LMO7: variants seen among roughly 807,000 people sequenced by gnomAD.
The protein encoded by LMO7 is LIM domain 7.
In LMO7, 120 loss-of-function variants were observed where a neutral mutation model predicts 206.5. The ratio of observed to expected loss-of-function variants is 0.58; its 90% confidence interval spans 0.50 to 0.68. The LOEUF (loss-of-function observed/expected upper bound fraction) is 0.68, where lower values mean the gene tolerates loss of function less well. Among genes scored for constraint, LMO7 ranks in the 30% least tolerant of loss-of-function variants. The pLI is 0.00. For synonymous variants in LMO7, 706 were observed against 681.5 expected (o/e 1.04, Z -0.56); for missense variants, 1,959 against 1,957.9 (o/e 1.00, Z -0.01).
intron 11 of LMO7, among the ~76,000 whole-genome samples, chr13:75,809,941 C>G (rs2056124659): frequency 6.6e-6 from 1 of 150,726 alleles, no homozygotes; most frequent in Non-Finnish European, 1.5e-5. Context: ...AAGCAATTCT[C>G]CTGTCTCAGC....
rs77003962 is a variant in LMO7, at chr13:75,765,002, C to T, written c.317+3964C>T. ...CTATTCTCTTTACACATGCTAGTTGCCAAAGGAACAGTAGTTGGAATGAAA... is the reference window on the plus strand; with the variant it reads ...CTATTCTCTTTACACATGCTAGTTGTCAAAGGAACAGTAGTTGGAATGAAA... On this transcript the variant is annotated intron_variant, in intron 4 of 30. Coordinates refer to ENST00000377534, the MANE Select transcript of LMO7 (RefSeq NM_001306080.2). Among the ~76,000 whole-genome samples the T allele has an allele frequency of 2.6e-3, 392 of 152,030 alleles. 6 individuals carry two copies. The East Asian group carries it at 0.027, about 11-fold the overall frequency.
At chr13:75,672,611 T>G (rs2039682917) in intron 1 of LMO7, among the ~76,000 whole-genome samples, 1 of 152,300 alleles carries the variant, frequency 6.6e-6, no homozygotes, top group East Asian at 1.9e-4. Flanking sequence ...GGGCACAGGT[T>G]GTTTTGCATG....
intron 11 of LMO7, among the ~76,000 whole-genome samples, chr13:75,815,792 G>A (rs1346142973): frequency 6.6e-6 from 1 of 152,106 alleles, no homozygotes; most frequent in East Asian, 1.9e-4. Context: ...TGAATGAAAG[G>A]GCTTGATAAC....
intron 1 of LMO7, among the ~76,000 whole-genome samples, chr13:75,667,088 G>A (rs975866541): frequency 3.3e-5 from 5 of 152,150 alleles, no homozygotes; most frequent in African/African-American, 2.4e-5. Context: ...CAGTGGTTAT[G>A]TGCCACTGTT....
At chr13:75,746,796 T>C (rs1357658301) in intron 3 of LMO7, among the ~76,000 whole-genome samples, 2 of 152,180 alleles carry the variant, frequency 1.3e-5, no homozygotes, top group African/African-American at 4.8e-5. Context: ...CCTGTTGTCA[T>C]GGCCTCAGTA....
At chr13:75,776,192 T>TATATATATATATATATATCGG (rs2050455084) in intron 4 of LMO7, among the ~76,000 whole-genome samples, 1 of 97,026 alleles carries the variant, frequency 1.0e-5, no homozygotes, top group Non-Finnish European at 2.1e-5. Context: ...TATATATATA[T>TATATATATATATATATATCGG]ATATATATAT....
At chr13:75,742,501 G>A (rs1169066418) in intron 3 of LMO7, among the ~76,000 whole-genome samples, 1 of 152,122 alleles carries the variant, frequency 6.6e-6, no homozygotes, top group Non-Finnish European at 1.5e-5. Flanking sequence ...AGCCAAAACA[G>A]CATGTTATGG....
intron 20 of LMO7, 180 bp from the exon 21 acceptor site, chr13:75,839,904 AC>A: frequency 1.8e-6 from 1 of 544,816 alleles, no homozygotes. Flanking sequence ...AAGATGAGTA[AC>A]AGATGGAACT....
Position 75,821,627 on chromosome 13 carries a change from T to C in LMO7, c.2640+18T>C. On this transcript the variant is annotated intron_variant, in intron 14 of 30. Coordinates refer to ENST00000377534, the MANE Select transcript of LMO7 (RefSeq NM_001306080.2). ...CTTACACGGTAAAAAATGTTCTCGGTTCATTTAGTCTGTTCTGAAGAGCAA... is the reference window on the plus strand; with the variant it reads ...CTTACACGGTAAAAAATGTTCTCGGCTCATTTAGTCTGTTCTGAAGAGCAA... The C allele has an allele frequency of 6.3e-7, 1 of 1,592,190 alleles. No homozygotes were observed. Among genetic ancestry groups the C allele is most frequent in the South Asian group, 1.1e-5 (1 of 88,116 alleles).
upstream of LMO7, chr13:75,636,158 A>C: frequency 3.3e-6 from 1 of 303,520 alleles, no homozygotes; most frequent in Non-Finnish European, 4.8e-6. Flanking sequence ...GGACTGTGGC[A>C]TCTCCCGGGC....
At chr13:75,735,252 C>T (rs116709289) in intron 3 of LMO7, among the ~76,000 whole-genome samples, 2 of 151,966 alleles carry the variant, frequency 1.3e-5, no homozygotes, top group Non-Finnish European at 2.9e-5. Context: ...GTCCCACCCC[C>T]ACTCACCCCC....
rs144645518 is a variant in LMO7 at position 75,821,064 on chromosome 13, G to A, written c.2208-113G>A. ...CTGTAAGTGTTGTATTGATTCTTGT[G>A]TGAAGTTAGCATCATTTTATTCCCA... On this transcript the variant is annotated intron_variant, in intron 13 of 30. Transcript: ENST00000377534. 10 of 718,542 alleles carry A rather than the reference G, an allele frequency of 1.4e-5. No individual in the cohort carries two copies. In the African/African-American group the frequency reaches 1.6e-4, roughly 11 times the overall value. The allele number at this position is 718,542 out of a possible 1,614,324, so 44.5% of individuals were successfully genotyped here. A position where few individuals can be genotyped will look rare whatever the true frequency, so the allele number is the denominator to read the frequency against.
chr13:75,797,887 G>A (rs1339267770), intron 6 of LMO7, among the ~76,000 whole-genome samples: 1 of 149,900 alleles, frequency 6.7e-6, no homozygotes, highest in Non-Finnish European at 1.5e-5. Context: ...CATACACATA[G>A]TACTAAGTGT....
At chr13:75,666,572 G>A (rs2039088222) in intron 1 of LMO7, among the ~76,000 whole-genome samples, 2 of 152,104 alleles carry the variant, frequency 1.3e-5, no homozygotes, top group South Asian at 4.1e-4. Context: ...GGCTTCCCCT[G>A]AAATGATTCT....
chr13:75,836,529 AAATT>A (rs1363002186), intron 19 of LMO7, 72 bp downstream of exon 19: 1 of 795,536 alleles, frequency 1.3e-6, no homozygotes, highest in East Asian at 3.0e-5. Context: ...GCTGTTATAA[AAATT>A]AATATCTGTG....
chr13:75,821,114 T>C lies in LMO7; in HGVS notation c.2208-63T>C. 7 of 1,317,422 alleles carry C rather than the reference T, an allele frequency of 5.3e-6. 1 individual carries two copies. Among genetic ancestry groups the C allele is most frequent in the South Asian group, 2.9e-5 (2 of 68,254 alleles). 81.6% of individuals were successfully genotyped at this position (1,317,422 alleles called of 1,614,324 possible). A position where few individuals can be genotyped will look rare whatever the true frequency, so the allele number is the denominator to read the frequency against. ...AGTCCGTTTCATGCGTTGATTACTC[T>C]CTCACCACCTCTGTGTGTCAAATGT... On this transcript the variant is annotated intron_variant, in intron 13 of 30. Coordinates refer to ENST00000377534, the MANE Select transcript of LMO7 (RefSeq NM_001306080.2).
intron 6 of LMO7, among the ~76,000 whole-genome samples, chr13:75,799,100 A>C (rs1199879742): frequency 6.6e-6 from 1 of 152,168 alleles, no homozygotes; most frequent in Non-Finnish European, 1.5e-5. Context: ...CAGGATGTCA[A>C]CTCTAATGCC....
chr13:75,698,852 T>G (rs2042080305), intron 1 of LMO7, among the ~76,000 whole-genome samples: 1 of 152,176 alleles, frequency 6.6e-6, no homozygotes. Flanking sequence ...ATTCACTCTT[T>G]TAAAGTATAT....
intron 22 of LMO7, 130 bp downstream of exon 22, chr13:75,840,625 A>C (rs1054470349): frequency 3.5e-5 from 39 of 1,102,288 alleles, no homozygotes; most frequent in Non-Finnish European, 4.9e-5. Context: ...TTTTGCACAC[A>C]GTACATTTTC....
Sources: allele counts gnomAD v4.1 joint callset (sites outside exome capture counted in the v4.1 genomes callset), GRCh38; gene constraint gnomAD v4.1.1; transcripts MANE v1.5; gene names NCBI Gene and HGNC (gene_info 2026-07-23, HGNC 2026-07-21).